TFB1M: variants seen among roughly 807,000 people sequenced by gnomAD.
The protein encoded by TFB1M is transcription factor B1, mitochondrial.
In TFB1M, 27 loss-of-function variants were observed where a neutral mutation model predicts 31.1. The observed-to-expected ratio is 0.87, with a 90% CI of 0.64 to 1.20. The LOEUF (loss-of-function observed/expected upper bound fraction) is 1.20, where lower values mean the gene tolerates loss of function less well. Among genes scored for constraint, TFB1M ranks in the 50% most tolerant of loss-of-function variants. The probability of loss-of-function intolerance (pLI) is 0.00; values close to 1 mark genes in which losing one functional copy is unlikely to be tolerated. For missense variants in TFB1M, 394 were observed against 418.7 expected, an observed-to-expected ratio of 0.94 and a Z score of 0.51; for synonymous variants, 166 against 151.8, an observed-to-expected ratio of 1.09 and a Z score of -0.69.
intron 2 of TFB1M, among the ~76,000 whole-genome samples, chr6:155,309,384 A>G (rs1777921934): frequency 6.6e-6 from 1 of 152,210 alleles, no homozygotes; most frequent in Non-Finnish European, 1.5e-5. Flanking sequence ...AGGTGAGTCA[A>G]TTAACAAACA....
At chr6:155,242,426 C>T in the TFB1M span, among the ~76,000 whole-genome samples, 1 of 152,218 alleles carries the variant, frequency 6.6e-6, no homozygotes, top group South Asian at 2.1e-4. Flanking sequence ...GATTCAGTAA[C>T]TTCCATCATC....
At position 155,257,500 on chromosome 6, in the gene TFB1M, A is replaced by T; in HGVS notation, c.*336T>A. On this transcript the variant is annotated 3_prime_UTR_variant, in exon 7 of 7. Transcript: ENST00000367166. Reference sequence around the variant, plus strand: ...GGGCATTTTCTTTCAGCTGTTTGTTAGTTTTTGCTTTATTTAAAGCATATT... The same window carrying T: ...GGGCATTTTCTTTCAGCTGTTTGTTTGTTTTTGCTTTATTTAAAGCATATT... The T allele has an allele frequency of 2.9e-6, 1 of 339,582 alleles. No individual in the cohort carries two copies. The highest frequency in any genetic ancestry group is 5.4e-6 in the Non-Finnish European group (1 of 185,968). The allele number at this position is 339,582 out of a possible 1,614,324, so 21.0% of individuals were successfully genotyped here.
chr6:155,280,911 T>C (rs1296053210), intron 5 of TFB1M, among the ~76,000 whole-genome samples: 2 of 152,228 alleles, frequency 1.3e-5, no homozygotes, highest in African/African-American at 4.8e-5. Flanking sequence ...TTCCAATCTT[T>C]TCTTTATATG....
chr6:155,296,787 G>GTCA (rs1044385633), intron 4 of TFB1M, among the ~76,000 whole-genome samples, 166 bp downstream of exon 4: 1 of 151,780 alleles, frequency 6.6e-6, no homozygotes, highest in Admixed American at 6.6e-5. Flanking sequence ...AGTTACATCT[G>GTCA]TCATCATCAT....
chr6:155,293,663 G>C (rs535429075), intron 4 of TFB1M, among the ~76,000 whole-genome samples: 2 of 152,206 alleles, frequency 1.3e-5, no homozygotes, highest in Admixed American at 1.3e-4. Context: ...TTATCTCAGT[G>C]ACCTTGAGAT....
chr6:155,245,746 C>T, the TFB1M span: 2 of 1,070,864 alleles, frequency 1.9e-6, no homozygotes, highest in Non-Finnish European at 2.6e-6. Context: ...GTTGCTTATG[C>T]CTTTTATAGT....
At chr6:155,253,140 A>C (rs1018782120), downstream of TFB1M, 39 of 1,145,896 alleles carry the variant, frequency 3.4e-5, no homozygotes, top group Admixed American at 1.0e-4. Context: ...CCTTGGGGAT[A>C]ATTTTTGGTG....
intron 4 of TFB1M, among the ~76,000 whole-genome samples, chr6:155,289,294 G>T (rs1562410371): frequency 6.6e-6 from 1 of 152,016 alleles, no homozygotes; most frequent in East Asian, 1.9e-4. Flanking sequence ...AAGAACACAG[G>T]GCCAGCAGCA....
the TFB1M span, chr6:155,249,943 G>A: frequency 6.2e-7 from 1 of 1,614,032 alleles, no homozygotes; most frequent in East Asian, 2.2e-5. Context: ...CCAGCTAGTA[G>A]CTGAGCAGAG....
rs142319064 is a variant in TFB1M at position 155,275,834 on chromosome 6, A to G, written c.666+9324T>C. On this transcript the variant is annotated intron_variant, in intron 5 of 6. Transcript: ENST00000367166. ...GAAGGTGAATGTGGATGTGGACTCC[A>G]ACATCATAACAGCCATTGTACAGCT... 78 of 1,614,018 alleles carry G rather than the reference A, an allele frequency of 4.8e-5. No individual in the cohort carries two copies. Among genetic ancestry groups the G allele is most frequent in the Non-Finnish European group, 6.4e-5 (75 of 1,179,996 alleles).
At chr6:155,244,943 TA>T in the TFB1M span, 6 of 931,106 alleles carry the variant, frequency 6.4e-6, no homozygotes, top group Non-Finnish European at 8.9e-6. Flanking sequence ...TGTCAGGTGG[TA>T]AAGGAAGGCT....
chr6:155,305,546 T>A (rs1363737150), intron 2 of TFB1M, among the ~76,000 whole-genome samples: 1 of 57,596 alleles, frequency 1.7e-5, no homozygotes, highest in South Asian at 5.7e-4. Context: ...TTTATATATA[T>A]AAATATATAT....
intron 4 of TFB1M, among the ~76,000 whole-genome samples, chr6:155,288,077 G>A (rs1203892734): frequency 1.3e-5 from 2 of 152,228 alleles, no homozygotes; most frequent in South Asian, 2.1e-4. Context: ...GTAGCCTGCC[G>A]TGGATGAAAA....
chr6:155,260,528 C>T (rs764293905), intron 5 of TFB1M, 128 bp from the exon 6 acceptor site: 19 of 1,237,994 alleles, frequency 1.5e-5, no homozygotes, highest in East Asian at 2.4e-5. Flanking sequence ...GACCTTTCCA[C>T]GTACTTCGGT....
At chr6:155,253,365 T>C (rs1275352579), downstream of TFB1M, 2 of 306,628 alleles carry the variant, frequency 6.5e-6, no homozygotes, top group South Asian at 6.4e-5. Context: ...CACAAATTTA[T>C]GTTTTTACAA....
chr6:155,306,498 T>G (rs373525079), intron 2 of TFB1M, among the ~76,000 whole-genome samples: 1 of 152,102 alleles, frequency 6.6e-6, no homozygotes, highest in Non-Finnish European at 1.5e-5. Context: ...GTGAATAGAT[T>G]CACAAATTTG....
At chr6:155,259,791 T>C (rs1246761420) in intron 6 of TFB1M, among the ~76,000 whole-genome samples, 3 of 152,348 alleles carry the variant, frequency 2.0e-5, no homozygotes, top group African/African-American at 7.2e-5. Flanking sequence ...TGTCAGGTTT[T>C]CCCAGTGATT....
intron 5 of TFB1M, among the ~76,000 whole-genome samples, chr6:155,266,330 GC>G (rs1267078382): frequency 6.6e-6 from 1 of 152,152 alleles, no homozygotes; most frequent in Non-Finnish European, 1.5e-5. Flanking sequence ...CTTTTCCAAA[GC>G]CCTCGTGTGG....
At chr6:155,260,935 C>T (rs1190913633) in intron 5 of TFB1M, 1 of 179,118 alleles carries the variant, frequency 5.6e-6, no homozygotes, top group Non-Finnish European at 1.2e-5. Context: ...TTTCTAGTAG[C>T]AATTTTAAAT....
Sources: allele counts gnomAD v4.1 joint callset (sites outside exome capture counted in the v4.1 genomes callset), GRCh38; gene constraint gnomAD v4.1.1; transcripts MANE v1.5; gene names NCBI Gene and HGNC (gene_info 2026-07-23, HGNC 2026-07-21).